The following C1QTNF9 variants were observed in gnomAD, a reference collection of about 807,000 sequenced individuals.
C1QTNF9 encodes C1q and TNF related 9.
C1QTNF9 carries 6 observed loss-of-function variants against 10.1 expected under a neutral mutation model. The ratio of observed to expected loss-of-function variants is 0.59; its 90% CI spans 0.32 to 1.17. The LOEUF (loss-of-function observed/expected upper bound fraction) is 1.17. Ranked by LOEUF, C1QTNF9 falls within the 50% of genes most tolerant of loss-of-function variation. The pLI is 0.04. For synonymous variants in C1QTNF9, 98 were observed against 163.5 expected (o/e 0.60, Z 3.06); for missense variants, 201 against 418.8 (o/e 0.48, Z 4.54).
intron 2 of C1QTNF9, among the ~76,000 whole-genome samples, chr13:24,318,098 G>C (rs1878109806): frequency 6.6e-6 from 1 of 152,190 alleles, no homozygotes; most frequent in Non-Finnish European, 1.5e-5. Context: ...TTTGTGAGAA[G>C]CCAGAGTCTG....
chr13:24,309,196 T>C (rs1336416923), upstream of C1QTNF9, among the ~76,000 whole-genome samples: 1 of 149,622 alleles, frequency 6.7e-6, no homozygotes, highest in Non-Finnish European at 1.5e-5. Context: ...AAGAAAGGAG[T>C]TAATGGGTGC....
rs200529723 is a variant in C1QTNF9 at position 24,315,975 on chromosome 13, C to A, written c.-22-7C>A. On this transcript the variant is annotated splice_region_variant and splice_polypyrimidine_tract_variant and intron_variant, in intron 1 of 3. Transcript: ENST00000332018. ...TTCTCCTTTGGGTTTCTGTTTCCCTCTTTCAGTTCAGAGTCTGTCATCTGA... is the reference window on the plus strand; with the variant it reads ...TTCTCCTTTGGGTTTCTGTTTCCCTATTTCAGTTCAGAGTCTGTCATCTGA... The A allele has an allele frequency of 6.2e-7, 1 of 1,613,284 alleles. No individual in the cohort carries two copies. Among genetic ancestry groups the A allele is most frequent in the Non-Finnish European group, 8.5e-7 (1 of 1,179,458 alleles).
At chr13:24,314,469 G>C (rs1362712312) in intron 1 of C1QTNF9, among the ~76,000 whole-genome samples, 2 of 152,100 alleles carry the variant, frequency 1.3e-5, no homozygotes, top group African/African-American at 4.8e-5. Context: ...GATCACCTGA[G>C]GTCAAGAGTT....
At chr13:24,312,086 G>A (rs758977664) in intron 1 of C1QTNF9, among the ~76,000 whole-genome samples, 35 of 152,330 alleles carry the variant, frequency 2.3e-4, no homozygotes, top group South Asian at 6.2e-4. Flanking sequence ...GAGAAGGGGT[G>A]TTGGAGATTA....
chr13:24,310,955 A>G (rs140091311), intron 1 of C1QTNF9, among the ~76,000 whole-genome samples: 19 of 151,692 alleles, frequency 1.3e-4, no homozygotes, highest in African/African-American at 4.6e-4. Context: ...GAAATGTATA[A>G]AGTGTGTAAT....
intron 1 of C1QTNF9, among the ~76,000 whole-genome samples, chr13:24,312,717 G>A (rs928144888): frequency 6.6e-6 from 1 of 152,016 alleles, no homozygotes; most frequent in African/African-American, 2.4e-5. Flanking sequence ...AGCACTTTGG[G>A]AGGCCGAGGT....
chr13:24,313,799 C>A (rs1440086524), intron 1 of C1QTNF9, among the ~76,000 whole-genome samples: 1 of 152,118 alleles, frequency 6.6e-6, no homozygotes, highest in Non-Finnish European at 1.5e-5. Context: ...CTAAAGCAAC[C>A]ATCTTTATTT....
At chr13:24,318,580 A>G (rs1432432266) in intron 2 of C1QTNF9, among the ~76,000 whole-genome samples, 1 of 151,956 alleles carries the variant, frequency 6.6e-6, no homozygotes, top group African/African-American at 2.4e-5. Context: ...CGTCCTAGAG[A>G]TGGGCGCTTG....
upstream of C1QTNF9, among the ~76,000 whole-genome samples, chr13:24,308,555 A>G (rs192163608): frequency 5.9e-3 from 900 of 152,336 alleles, 5 homozygotes; most frequent in Non-Finnish European, 7.9e-3. Flanking sequence ...TGACGGGGAA[A>G]TTGAGGCACG....
chr13:24,314,023 C>G (rs1877935727), intron 1 of C1QTNF9, among the ~76,000 whole-genome samples: 1 of 152,090 alleles, frequency 6.6e-6, no homozygotes, highest in Non-Finnish European at 1.5e-5. Context: ...CACGTTTTCA[C>G]CTGTTATAGA....
rs574900910 is a variant in C1QTNF9 at position 24,316,177 on chromosome 13, C to A, written c.166+8C>A. 23 of 1,573,738 alleles carry A rather than the reference C, an allele frequency of 1.5e-5. No homozygotes were observed. The highest frequency in any genetic ancestry group is 2.0e-5 in the Non-Finnish European group (23 of 1,150,884). Reference sequence around the variant, plus strand: ...GTGACAAAGGCGATGCAGGTACTCACCTGACGGCTTCGGCTGCCTTTCAAC... The same window carrying A: ...GTGACAAAGGCGATGCAGGTACTCAACTGACGGCTTCGGCTGCCTTTCAAC... On this transcript the variant is annotated splice_region_variant and intron_variant, in intron 2 of 3. Coordinates refer to ENST00000332018, the Ensembl canonical transcript of C1QTNF9.
At chr13:24,307,977 C>T (rs1462659620), upstream of C1QTNF9, among the ~76,000 whole-genome samples, 2 of 152,216 alleles carry the variant, frequency 1.3e-5, no homozygotes, top group African/African-American at 4.8e-5. Context: ...CCCACGGACC[C>T]CAGGCCCCGG....
chr13:24,319,826 C>T (rs1878179608), intron 3 of C1QTNF9, among the ~76,000 whole-genome samples: 3 of 152,168 alleles, frequency 2.0e-5, no homozygotes, highest in Admixed American at 6.5e-5. Context: ...TTTTCATGTA[C>T]TGACTCACTG....
intron 2 of C1QTNF9, among the ~76,000 whole-genome samples, chr13:24,316,807 C>G (rs191255717): frequency 2.6e-5 from 4 of 152,280 alleles, no homozygotes; most frequent in Admixed American, 2.6e-4. Flanking sequence ...CGAGTGGTTT[C>G]CATAACAACA....
Position 24,316,170 on chromosome 13 carries a change from G to A in C1QTNF9, c.166+1G>A. On this transcript the variant is annotated splice_donor_variant, in intron 2 of 3. Coordinates refer to ENST00000332018, the Ensembl canonical transcript of C1QTNF9. LOFTEE classifies it high-confidence loss of function. ...GCGAAGGGTGACAAAGGCGATGCAGGTACTCACCTGACGGCTTCGGCTGCC... is the reference window on the plus strand; with the variant it reads ...GCGAAGGGTGACAAAGGCGATGCAGATACTCACCTGACGGCTTCGGCTGCC... 2 of 1,588,368 alleles carry A rather than the reference G, an allele frequency of 1.3e-6. No homozygotes were observed. The highest frequency in any genetic ancestry group is 1.1e-5 in the South Asian group (1 of 89,040).
intron 1 of C1QTNF9, 45 bp downstream of exon 1, chr13:24,309,661 T>G (rs1877736893): frequency 6.6e-6 from 1 of 152,146 alleles, no homozygotes; most frequent in South Asian, 2.1e-4. Flanking sequence ...ATTTAAGCCA[T>G]CTAGGTCCTA....
At chr13:24,321,379 A>G (rs1240845884) in exon 4 of C1QTNF9, 2 of 1,604,078 alleles carry the variant, frequency 1.2e-6, no homozygotes, top group Non-Finnish European at 1.7e-6. Context: ...AAGTGCTTTC[A>G]CTGTGGGGCT....
intron 2 of C1QTNF9, among the ~76,000 whole-genome samples, chr13:24,318,040 C>T (rs1298127208): frequency 2.6e-5 from 4 of 152,160 alleles, no homozygotes; most frequent in South Asian, 2.1e-4. Context: ...CTGCCCCTGT[C>T]GCCCCACAGC....
At position 24,313,691 on chromosome 13, in the gene C1QTNF9, A is replaced by G. The variant is rs184438834; in HGVS notation, c.-22-2291A>G. ...TGGCAATACAGTCTTTGGATGACAG[A>G]GAGTCTTGCTGGTTTTCAAAATCTC... On this transcript the variant is annotated intron_variant, in intron 1 of 3. Transcript: ENST00000332018. 1.2e-4 allele frequency among the ~76,000 whole-genome samples: 19 copies of G among 152,320 alleles called. No individual in the cohort carries two copies. In the East Asian group the frequency reaches 3.7e-3, roughly 29 times the overall value.
Sources: gnomAD v4.1 joint callset for allele counts (sites outside exome capture counted in the v4.1 genomes callset) on GRCh38, gnomAD v4.1.1 for gene constraint, MANE v1.5 for transcripts, NCBI Gene and HGNC (gene_info 2026-07-23, HGNC 2026-07-21) for gene names.